ADCY2: variants seen among roughly 807,000 people sequenced by gnomAD.
The protein encoded by ADCY2 is adenylate cyclase type 2.
ADCY2 carries 31 observed loss-of-function variants against 125.2 expected under a neutral mutation model. That is an observed-to-expected ratio of 0.25 (90% CI 0.19 to 0.33). The LOEUF (loss-of-function observed/expected upper bound fraction) is 0.33, where lower values mean the gene tolerates loss of function less well. Ranked by LOEUF, ADCY2 falls within the 10% of genes least tolerant of loss-of-function variation. ADCY2 has a pLI of 1.00. For synonymous variants in ADCY2, 512 were observed against 548.4 expected (o/e 0.93, Z 0.93); for missense variants, 904 against 1,418.2 (o/e 0.64, Z 5.82).
chr5:7,695,703 A>G, intron 5 of ADCY2, 49 bp from the exon 6 acceptor site: 1 of 1,157,864 alleles, frequency 8.6e-7, no homozygotes, highest in Non-Finnish European at 1.2e-6. Context: ...TTTCTTAAAA[A>G]ATGTATAAAC....
chr5:7,449,905 T>C (rs1477342714), intron 2 of ADCY2, among the ~76,000 whole-genome samples: 1 of 152,170 alleles, frequency 6.6e-6, no homozygotes, highest in Non-Finnish European at 1.5e-5. Context: ...CCCATGATCT[T>C]TGATATTATT....
At chr5:7,658,279 C>A (rs963589006) in intron 4 of ADCY2, 1 of 152,144 alleles carries the variant, frequency 6.6e-6, no homozygotes, top group Admixed American at 6.5e-5. Flanking sequence ...TTCTCATGAA[C>A]CGGTTCCTTG....
intron 3 of ADCY2, among the ~76,000 whole-genome samples, chr5:7,597,203 G>A (rs2126631377): frequency 6.6e-6 from 1 of 152,362 alleles, no homozygotes; most frequent in Admixed American, 6.5e-5. Flanking sequence ...ATGCCTGAAG[G>A]CAGGAGAAGG....
At chr5:7,637,941 T>C (rs1738566238) in intron 4 of ADCY2, among the ~76,000 whole-genome samples, 1 of 152,202 alleles carries the variant, frequency 6.6e-6, no homozygotes, top group Non-Finnish European at 1.5e-5. Flanking sequence ...GGCTAGGAGC[T>C]TCTCCTCCAG....
At chr5:7,399,506 G>A (rs1286728051) in intron 1 of ADCY2, among the ~76,000 whole-genome samples, 1 of 152,148 alleles carries the variant, frequency 6.6e-6, no homozygotes, top group Non-Finnish European at 1.5e-5. Flanking sequence ...TAAAGTTAAA[G>A]TAATCCTCAA....
chr5:7,777,414 G>A (rs1579423989), intron 18 of ADCY2, among the ~76,000 whole-genome samples: 1 of 152,188 alleles, frequency 6.6e-6, no homozygotes. Flanking sequence ...ATGAACAAAA[G>A]CATGTCATGC....
At chr5:7,651,569 T>A (rs886586458) in intron 4 of ADCY2, among the ~76,000 whole-genome samples, 3 of 152,152 alleles carry the variant, frequency 2.0e-5, no homozygotes, top group Non-Finnish European at 4.4e-5. Flanking sequence ...TCCTGCCTGC[T>A]TTTATTCTGG....
chr5:7,595,825 A>G (rs1736986087), intron 3 of ADCY2, among the ~76,000 whole-genome samples: 1 of 152,182 alleles, frequency 6.6e-6, no homozygotes, highest in African/African-American at 2.4e-5. Context: ...ATGCCATGTA[A>G]ATAGTTGGCA....
intron 3 of ADCY2, among the ~76,000 whole-genome samples, chr5:7,589,515 G>GAAAGAAAGAAAGAAAAGAA (rs1561112613): frequency 1.8e-5 from 1 of 54,154 alleles, no homozygotes; most frequent in Non-Finnish European, 4.6e-5. Context: ...AGAAAGAAAA[G>GAAAGAAAGAAAGAAAAGAA]AAAAGAAAGA....
chr5:7,697,204 T>G (rs897223832), intron 6 of ADCY2, among the ~76,000 whole-genome samples: 3 of 152,122 alleles, frequency 2.0e-5, no homozygotes, highest in Admixed American at 6.6e-5. Context: ...CATTCACAGG[T>G]ATCAGGACTG....
Position 7,814,074 on chromosome 5 carries a change from G to C in ADCY2, c.2884-2792G>C, listed in dbSNP as rs888442981. 3.0e-4 allele frequency among the ~76,000 whole-genome samples: 46 copies of C among 151,950 alleles called. 1 individual carries two copies. The highest frequency in any genetic ancestry group is 2.9e-3 in the Admixed American group (44 of 15,266). ...GATAGAAAAGACTAACTGTTGTTAA[G>C]AAATGACATTCTGAAATTCCACCAA... On this transcript the variant is annotated intron_variant, in intron 22 of 24. Coordinates refer to ENST00000338316, the MANE Select transcript of ADCY2 (RefSeq NM_020546.3).
Position 7,791,908 on chromosome 5 carries a change from T to C in ADCY2, c.2628+2108T>C, listed in dbSNP as rs993405596. ...ACTGTGAGGAAGTGGCTTCTGAATC[T>C]GGAAATAAAGTGCTAGAAACTAGCT... On this transcript the variant is annotated intron_variant, in intron 20 of 24. Coordinates refer to ENST00000338316, the MANE Select transcript of ADCY2 (RefSeq NM_020546.3). Among the ~76,000 whole-genome samples the C allele has an allele frequency of 6.6e-5, 10 of 151,840 alleles. No homozygotes were observed. In the East Asian group the frequency reaches 1.9e-3, roughly 29 times the overall value.
chr5:7,423,900 G>A (rs1231668212), intron 2 of ADCY2, among the ~76,000 whole-genome samples: 2 of 152,118 alleles, frequency 1.3e-5, no homozygotes, highest in Non-Finnish European at 2.9e-5. Flanking sequence ...CTGTCCTCTG[G>A]CCTGCACACA....
intron 3 of ADCY2, among the ~76,000 whole-genome samples, chr5:7,575,752 A>T (rs376324919): frequency 6.6e-6 from 1 of 152,172 alleles, no homozygotes; most frequent in East Asian, 1.9e-4. Flanking sequence ...GTATTTTTAT[A>T]TTCAAATATG....
At chr5:7,596,931 G>C (rs1737025367) in intron 3 of ADCY2, among the ~76,000 whole-genome samples, 1 of 152,134 alleles carries the variant, frequency 6.6e-6, no homozygotes, top group East Asian at 1.9e-4. Flanking sequence ...ACATATAAAT[G>C]ATACAGCCAA....
Position 7,665,808 on chromosome 5 carries a change from T to C in ADCY2, c.721-24883T>C, listed in dbSNP as rs184000328. ...ATCTGTTCTGGGTCTATTTATGTTT[T>C]GTTTTTTTTTAATTTAATTCTTTTT... is the stretch of plus-strand genomic sequence containing the variant. On this transcript the variant is annotated intron_variant, in intron 4 of 24. Transcript: ENST00000338316. Among the ~76,000 whole-genome samples, 6 of 151,062 alleles carry C rather than the reference T, an allele frequency of 4.0e-5. No individual in the cohort carries two copies. In the East Asian group the frequency reaches 1.2e-3, roughly 29 times the overall value.
At position 7,501,652 on chromosome 5, in the gene ADCY2, C is replaced by A. The variant is rs796973171; in HGVS notation, c.409-19086C>A. Reference sequence around the variant, plus strand: ...AAAGAATGAGATTCCCCCCTCCCCCCCCCCCCGCCAGTAACTTCAAGTTAT... The same window carrying A: ...AAAGAATGAGATTCCCCCCTCCCCCACCCCCCGCCAGTAACTTCAAGTTAT... On this transcript the variant is annotated intron_variant, in intron 2 of 24. Coordinates refer to ENST00000338316, the MANE Select transcript of ADCY2 (RefSeq NM_020546.3). 1.3e-3 allele frequency among the ~76,000 whole-genome samples: 140 copies of A among 103,898 alleles called. 30 individuals are homozygous for A. Among genetic ancestry groups the A allele is most frequent in the Middle Eastern group, 8.3e-3 (2 of 242 alleles). 68.2% of individuals were successfully genotyped at this position (103,898 alleles called of 152,430 possible).
intron 11 of ADCY2, among the ~76,000 whole-genome samples, chr5:7,713,643 C>A (rs977905815): frequency 5.3e-5 from 8 of 152,178 alleles, no homozygotes; most frequent in Admixed American, 5.2e-4. Flanking sequence ...TGTCTCCACA[C>A]GCCCTGTCGC....
At chr5:7,634,972 C>T (rs1738443915) in intron 4 of ADCY2, among the ~76,000 whole-genome samples, 1 of 152,094 alleles carries the variant, frequency 6.6e-6, no homozygotes, top group Non-Finnish European at 1.5e-5. Context: ...ATATGAATTG[C>T]TGAAGGTCTC....
Sources: gnomAD v4.1 joint callset for allele counts (sites outside exome capture counted in the v4.1 genomes callset) on GRCh38, gnomAD v4.1.1 for gene constraint, MANE v1.5 for transcripts, NCBI Gene and HGNC (gene_info 2026-07-23, HGNC 2026-07-21) for gene names.